The following DZIP1L variants were observed in gnomAD, a reference collection of about 807,000 sequenced individuals.
DZIP1L encodes the protein DAZ interacting zinc finger protein 1 like.
DZIP1L carries 90 observed loss-of-function variants against 88.7 expected under a neutral mutation model. The ratio of observed to expected loss-of-function variants is 1.02; its 90% CI spans 0.86 to 1.21. The LOEUF (loss-of-function observed/expected upper bound fraction) is 1.21. Among genes scored for constraint, DZIP1L ranks in the 50% most tolerant of loss-of-function variants. The pLI, the probability that DZIP1L is intolerant of heterozygous loss-of-function variation, is 0.00. For missense variants in DZIP1L, 932 were observed against 955.8 expected, an observed-to-expected ratio of 0.98 and a Z score of 0.33; for synonymous variants, 363 against 372.1, an observed-to-expected ratio of 0.98 and a Z score of 0.28.
intron 5 of DZIP1L, among the ~76,000 whole-genome samples, chr3:138,091,114 C>T (rs572984284): frequency 6.6e-4 from 100 of 151,912 alleles, no homozygotes; most frequent in Non-Finnish European, 1.2e-3. Flanking sequence ...CCCACCTTGG[C>T]CTCCCAAAGT....
rs534655950 is a variant in DZIP1L at position 138,088,192 on chromosome 3, C to T, written c.999+187G>A. On this transcript the variant is annotated intron_variant, in intron 6 of 15. Coordinates refer to ENST00000327532, the MANE Select transcript of DZIP1L (RefSeq NM_173543.3). ...TTTAAAAGATCTTAGGCAAATCTGA[C>T]ATTGCACACATACCACCAGCCTCAC... Among the ~76,000 whole-genome samples the T allele has an allele frequency of 2.0e-3, 306 of 152,328 alleles. 1 individual carries two copies. The highest frequency in any genetic ancestry group is 7.1e-3 in the African/African-American group (294 of 41,572).
rs527314761 is a variant in DZIP1L at position 138,107,844 on chromosome 3, C to T, written c.-81-3792G>A. Among the ~76,000 whole-genome samples, 5 of 152,300 alleles carry T rather than the reference C, an allele frequency of 3.3e-5. No individual in the cohort carries two copies. In the South Asian group the frequency reaches 8.3e-4, roughly 25 times the overall value. On this transcript the variant is annotated intron_variant, in intron 1 of 15. Coordinates refer to ENST00000327532, the MANE Select transcript of DZIP1L (RefSeq NM_173543.3). ...GGCTCCCTATTCCCACTGTACCAAA[C>T]GCAAACCTCTCAGCCTGGTCTTGAG... is the stretch of plus-strand genomic sequence containing the variant.
At chr3:138,096,387 T>C (rs1487647025) in intron 3 of DZIP1L, among the ~76,000 whole-genome samples, 1 of 152,184 alleles carries the variant, frequency 6.6e-6, no homozygotes, top group African/African-American at 2.4e-5. Flanking sequence ...CAGGAGGAAA[T>C]TGTGAAATAA....
At chr3:138,075,891 G>A (rs895779378) in intron 11 of DZIP1L, among the ~76,000 whole-genome samples, 6 of 152,044 alleles carry the variant, frequency 3.9e-5, no homozygotes, top group African/African-American at 7.3e-5. Context: ...CCAGGGAGTC[G>A]GAGGTTGCAG....
chr3:138,077,592 T>C lies in DZIP1L; in HGVS notation c.1329A>G (p.Ala443=), dbSNP rs1458367113. ...DSQDEQHKVL[A]ALRRNPTLLK... ...GCAAAGTGGGGTTACGCCTCAGAGCTGCCAGCACCTTGTGCTGTTCATCCT... is the reference window on the plus strand; with the variant it reads ...GCAAAGTGGGGTTACGCCTCAGAGCCGCCAGCACCTTGTGCTGTTCATCCT... Residue 443 remains alanine, a synonymous_variant, in exon 11 of 16, where the codon GCA becomes GCG. Transcript: ENST00000327532. The C allele has an allele frequency of 6.8e-6, 11 of 1,614,124 alleles. No homozygotes were observed. In the East Asian group the frequency reaches 2.4e-4, roughly 36 times the overall value.
At chr3:138,102,454 C>T in intron 2 of DZIP1L, 1 of 1,448,496 alleles carries the variant, frequency 6.9e-7, no homozygotes, top group South Asian at 1.1e-5. Flanking sequence ...CTTCTCCTGG[C>T]CCAGAGTCTC....
intron 7 of DZIP1L, among the ~76,000 whole-genome samples, chr3:138,085,807 C>T (rs974786848): frequency 4.6e-5 from 7 of 152,242 alleles, no homozygotes; most frequent in Admixed American, 2.0e-4. Flanking sequence ...CACACGCACA[C>T]GTATGTTTAT....
chr3:138,107,765 G>A lies in DZIP1L; in HGVS notation c.-81-3713C>T, dbSNP rs1039697865. On this transcript the variant is annotated intron_variant, in intron 1 of 15. Coordinates refer to ENST00000327532, the MANE Select transcript of DZIP1L (RefSeq NM_173543.3). ...TGGGCCCAGCCCAAGCTCAGGTCCT[G>A]GGCTATGGAGCCATATTAACCACAC... 3.9e-5 allele frequency among the ~76,000 whole-genome samples: 6 copies of A among 152,218 alleles called. No individual in the cohort carries two copies. In the East Asian group the frequency reaches 5.8e-4, roughly 15 times the overall value.
At chr3:138,080,671 T>G in intron 9 of DZIP1L, 51 bp from the exon 10 acceptor site, 4 of 1,595,904 alleles carry the variant, frequency 2.5e-6, no homozygotes, top group Non-Finnish European at 3.4e-6. Flanking sequence ...ACCCCATCCC[T>G]GACTAGAAGA....
At chr3:138,096,508 T>C (rs991686691) in intron 3 of DZIP1L, among the ~76,000 whole-genome samples, 2 of 152,150 alleles carry the variant, frequency 1.3e-5, no homozygotes, top group Admixed American at 1.3e-4. Flanking sequence ...AAATAAGCAA[T>C]AGTCAAAGCG....
Position 138,086,986 on chromosome 3 carries a change from T to C in DZIP1L, c.1037A>G (p.Glu346Gly). Reference sequence around the variant, plus strand: ...CTCTTTCTTCTCAGCCATGTGCTCTTCATGCAGTTCCTTCACTTTTCTTTT... The same window carrying C: ...CTCTTTCTTCTCAGCCATGTGCTCTCCATGCAGTTCCTTCACTTTTCTTTT... ...EWKRKVKELH[E>G]EHMAEKKELQ... The change falls in exon 7 of 16, where the codon GAA becomes GGA. Residue 346 changes from glutamate (E) to glycine (G), a missense_variant. Transcript: ENST00000327532. 1 of 1,614,186 alleles carries C rather than the reference T, an allele frequency of 6.2e-7. No homozygotes were observed. The highest frequency in any genetic ancestry group is 8.5e-7 in the Non-Finnish European group (1 of 1,180,032).
At chr3:138,072,443 TG>T (rs1943225448) in intron 11 of DZIP1L, among the ~76,000 whole-genome samples, 1 of 152,130 alleles carries the variant, frequency 6.6e-6, no homozygotes, top group Admixed American at 6.5e-5. Context: ...AGTCAGTAGT[TG>T]AAAACAATCA....
chr3:138,089,678 A>C (rs1041905950), intron 5 of DZIP1L, among the ~76,000 whole-genome samples: 1 of 152,166 alleles, frequency 6.6e-6, no homozygotes, highest in African/African-American at 2.4e-5. Flanking sequence ...TTACCCTTAA[A>C]ATTTTTTAAA....
At chr3:138,111,684 T>C (rs1274701460) in intron 1 of DZIP1L, among the ~76,000 whole-genome samples, 1 of 152,204 alleles carries the variant, frequency 6.6e-6, no homozygotes, top group Non-Finnish European at 1.5e-5. Context: ...TTAGATGTCC[T>C]AGAGCTCTGG....
chr3:138,113,916 A>G (rs1287757386), intron 1 of DZIP1L, among the ~76,000 whole-genome samples: 4 of 152,230 alleles, frequency 2.6e-5, no homozygotes, highest in Non-Finnish European at 4.4e-5. Context: ...GATTTTATTT[A>G]AAATAAAAAT....
intron 1 of DZIP1L, among the ~76,000 whole-genome samples, chr3:138,108,385 C>T (rs916993690): frequency 5.3e-5 from 8 of 152,078 alleles, no homozygotes; most frequent in African/African-American, 1.7e-4. Context: ...TAAGCTTTGG[C>T]GTCAGATGTT....
intron 1 of DZIP1L, among the ~76,000 whole-genome samples, chr3:138,104,990 G>A (rs2042439945): frequency 6.6e-6 from 1 of 151,984 alleles, no homozygotes; most frequent in Non-Finnish European, 1.5e-5. Flanking sequence ...TAAAAGCAAA[G>A]TAAAAGAAAA....
chr3:138,102,778 C>G (rs185004217), intron 2 of DZIP1L: 10 of 761,906 alleles, frequency 1.3e-5, no homozygotes, highest in South Asian at 1.2e-4. Context: ...CAGGTCACCC[C>G]GGAAGCTGCT....
chr3:138,103,028 TC>T (rs2107844171), intron 2 of DZIP1L: 1 of 439,246 alleles, frequency 2.3e-6, no homozygotes, highest in South Asian at 2.3e-5. Flanking sequence ...TTATACATGC[TC>T]CAGAGTTGTA....
Sources: allele counts gnomAD v4.1 joint callset (sites outside exome capture counted in the v4.1 genomes callset), GRCh38; gene constraint gnomAD v4.1.1; transcripts MANE v1.5; gene names NCBI Gene and HGNC (gene_info 2026-07-23, HGNC 2026-07-21).